IQCM: variants seen among roughly 807,000 people sequenced by gnomAD.
IQCM encodes IQ motif containing M.
IQCM carries 45 observed loss-of-function variants against 57.6 expected under a neutral mutation model. The ratio of observed to expected loss-of-function variants is 0.78; its 90% confidence interval spans 0.62 to 1.00. The LOEUF is 1.00. Among genes scored for constraint, IQCM ranks in the 50% least tolerant of loss-of-function variants. The pLI is 0.00. For missense variants in IQCM, 468 were observed against 511.6 expected (o/e 0.91, Z 0.82); for synonymous variants, 148 against 158.9 (o/e 0.93, Z 0.51).
intron 5 of IQCM, among the ~76,000 whole-genome samples, chr4:149,732,395 A>G (rs1447943578): frequency 6.6e-6 from 1 of 152,166 alleles, no homozygotes; most frequent in Admixed American, 6.6e-5. Context: ...ATAAATTTTC[A>G]GGAGAAATCT....
intron 12 of IQCM, among the ~76,000 whole-genome samples, chr4:149,440,372 G>A (rs1735818855): frequency 6.6e-6 from 1 of 151,834 alleles, no homozygotes; most frequent in Non-Finnish European, 1.5e-5. Flanking sequence ...TCCTTAAGGG[G>A]CAGAGGGCAA....
At chr4:149,556,014 C>G (rs1311196115) in intron 10 of IQCM, among the ~76,000 whole-genome samples, 5 of 152,154 alleles carry the variant, frequency 3.3e-5, no homozygotes, top group Non-Finnish European at 1.5e-5. Context: ...CAGGGAGTGT[C>G]CCTCCCAGGC....
At chr4:149,486,023 CTCT>C in intron 12 of IQCM, among the ~76,000 whole-genome samples, 1 of 110,218 alleles carries the variant, frequency 9.1e-6, no homozygotes, top group Non-Finnish European at 1.7e-5. Context: ...CAGAGTCTCT[CTCT>C]CTCTCTCTCT....
At chr4:149,740,542 CT>C (rs1236623036) in intron 3 of IQCM, among the ~76,000 whole-genome samples, 1 of 152,022 alleles carries the variant, frequency 6.6e-6, no homozygotes, top group Non-Finnish European at 1.5e-5. Context: ...AAAGATAAAG[CT>C]TTACACTGTA....
At chr4:149,471,609 T>G (rs1434057069) in intron 12 of IQCM, among the ~76,000 whole-genome samples, 1 of 152,182 alleles carries the variant, frequency 6.6e-6, no homozygotes, top group East Asian at 1.9e-4. Flanking sequence ...TAATCCTCCC[T>G]AATTCATTTT....
intron 7 of IQCM, among the ~76,000 whole-genome samples, chr4:149,644,039 T>C (rs1001745467): frequency 1.3e-5 from 2 of 152,194 alleles, no homozygotes; most frequent in Non-Finnish European, 2.9e-5. Context: ...GGTATTAGCA[T>C]TGAAAATCAT....
At chr4:149,634,060 A>G (rs1757518483) in intron 7 of IQCM, among the ~76,000 whole-genome samples, 1 of 151,934 alleles carries the variant, frequency 6.6e-6, no homozygotes, top group Non-Finnish European at 1.5e-5. Context: ...CCCAGACTGG[A>G]GTGCAGTAGC....
chr4:149,515,665 G>A (rs545324918), intron 12 of IQCM, among the ~76,000 whole-genome samples: 19 of 152,286 alleles, frequency 1.2e-4, no homozygotes, highest in East Asian at 9.7e-4. Flanking sequence ...GAAATCTTCC[G>A]ATTGGAGAGA....
At chr4:149,369,770 T>C (rs1186453014) in intron 13 of IQCM, among the ~76,000 whole-genome samples, 4 of 152,218 alleles carry the variant, frequency 2.6e-5, no homozygotes, top group Non-Finnish European at 5.9e-5. Context: ...TGGGTTCTAA[T>C]TGAAATCCAA....
chr4:149,620,175 AAAG>A (rs770702967), intron 8 of IQCM, among the ~76,000 whole-genome samples: 47 of 152,228 alleles, frequency 3.1e-4, no homozygotes, highest in East Asian at 1.2e-3. Flanking sequence ...AAAAAAAAGA[AAAG>A]AAGAAGAAGA....
intron 8 of IQCM, among the ~76,000 whole-genome samples, chr4:149,617,401 T>C (rs1755891271): frequency 6.6e-6 from 1 of 152,146 alleles, no homozygotes; most frequent in Non-Finnish European, 1.5e-5. Context: ...TGGTGAAAAT[T>C]GAAAATGAAC....
intron 12 of IQCM, among the ~76,000 whole-genome samples, chr4:149,519,928 C>T (rs1308496371): frequency 1.3e-5 from 2 of 152,012 alleles, no homozygotes; most frequent in Non-Finnish European, 2.9e-5. Context: ...TGGCATGAAC[C>T]TGGGAGGCAG....
intron 11 of IQCM, among the ~76,000 whole-genome samples, chr4:149,551,848 A>G (rs1449242145): frequency 2.0e-5 from 3 of 149,764 alleles, no homozygotes; most frequent in African/African-American, 7.4e-5. Context: ...GTAGCTTCTT[A>G]ATGGGAGAAG....
intron 12 of IQCM, among the ~76,000 whole-genome samples, chr4:149,541,726 A>G (rs1054253140): frequency 1.3e-5 from 2 of 152,050 alleles, no homozygotes; most frequent in Admixed American, 1.3e-4. Context: ...TCATGTCCTC[A>G]GTCACAAATT....
intron 2 of IQCM, among the ~76,000 whole-genome samples, chr4:149,782,468 G>T (rs545004730): frequency 9.2e-5 from 14 of 151,996 alleles, no homozygotes; most frequent in African/African-American, 2.9e-4. Flanking sequence ...TTACTTGCCA[G>T]ATGTGGTGGC....
At chr4:149,582,995 A>T (rs1160270562) in intron 9 of IQCM, among the ~76,000 whole-genome samples, 1 of 151,668 alleles carries the variant, frequency 6.6e-6, no homozygotes, top group African/African-American at 2.4e-5. Flanking sequence ...CTACATAAAT[A>T]TCTGGACTCT....
In IQCM at chr4:149,519,575, G is replaced by C. The variant is rs571196242; in HGVS notation, c.1228+28880C>G. On this transcript the variant is annotated intron_variant, in intron 12 of 13. Coordinates refer to ENST00000636793, the MANE Select transcript of IQCM (RefSeq NM_001363507.2). Reference sequence around the variant, plus strand: ...GAACCCAGGAGGCGTGAACCCGAGAGGCAGAGCTTGCAATGAGCCCAGATT... The same window carrying C: ...GAACCCAGGAGGCGTGAACCCGAGACGCAGAGCTTGCAATGAGCCCAGATT... Among the ~76,000 whole-genome samples, 10 of 152,238 alleles carry C rather than the reference G, an allele frequency of 6.6e-5. No individual in the cohort carries two copies. The East Asian group carries it at 1.7e-3, about 27-fold the overall frequency.
intron 13 of IQCM, among the ~76,000 whole-genome samples, chr4:149,387,914 A>G (rs1480869280): frequency 2.6e-5 from 4 of 152,016 alleles, no homozygotes; most frequent in Admixed American, 2.6e-4. Context: ...TATTCTGAAT[A>G]TCTCACATAA....
At chr4:149,693,416 A>C (rs1763088776) in intron 5 of IQCM, among the ~76,000 whole-genome samples, 1 of 152,124 alleles carries the variant, frequency 6.6e-6, no homozygotes, top group South Asian at 2.1e-4. Flanking sequence ...CTCACACATA[A>C]CGACACTACT....
Sources: gnomAD v4.1 joint callset for allele counts (sites outside exome capture counted in the v4.1 genomes callset) on GRCh38, gnomAD v4.1.1 for gene constraint, MANE v1.5 for transcripts, NCBI Gene and HGNC (gene_info 2026-07-23, HGNC 2026-07-21) for gene names.